Variants in MGST2 observed in about 807,000 individuals in gnomAD.
MGST2 encodes glutathione peroxidase MGST2.
A neutral mutation model predicts 16.6 loss-of-function variants in MGST2; 9 were observed. The ratio of observed to expected loss-of-function variants is 0.54; its 90% CI spans 0.33 to 0.95. The LOEUF (loss-of-function observed/expected upper bound fraction) is 0.95, where lower values mean the gene tolerates loss of function less well. MGST2 is among the 40% of genes least tolerant of loss of function. MGST2 has a pLI of 0.03. For synonymous variants in MGST2, 79 were observed against 68.0 expected (o/e 1.16, Z -0.79); for missense variants, 159 against 175.1 (o/e 0.91, Z 0.52).
intron 2 of MGST2, among the ~76,000 whole-genome samples, chr4:139,692,500 C>G (rs1726668197): frequency 6.6e-6 from 1 of 152,222 alleles, no homozygotes; most frequent in Non-Finnish European, 1.5e-5. Flanking sequence ...TCCACCACCA[C>G]CAGGAGCTGC....
chr4:139,707,992 C>T (rs1162025207), downstream of MGST2, among the ~76,000 whole-genome samples: 3 of 151,978 alleles, frequency 2.0e-5, no homozygotes, highest in Non-Finnish European at 4.4e-5. Context: ...AAAATTTTCT[C>T]CCATTCTGTA....
At chr4:139,750,347 AG>A in the MGST2 span, among the ~76,000 whole-genome samples, 1 of 152,210 alleles carries the variant, frequency 6.6e-6, no homozygotes, top group Non-Finnish European at 1.5e-5. Context: ...AACCGATCAG[AG>A]GGAAAGAGAG....
chr4:139,666,550 A>G (rs1253739329), intron 1 of MGST2, among the ~76,000 whole-genome samples: 1 of 152,202 alleles, frequency 6.6e-6, no homozygotes, highest in African/African-American at 2.4e-5. Flanking sequence ...TGGTATGATT[A>G]TCAGATTGAA....
At chr4:139,697,633 A>G (rs1299776136) in intron 3 of MGST2, among the ~76,000 whole-genome samples, 2 of 152,192 alleles carry the variant, frequency 1.3e-5, no homozygotes, top group African/African-American at 2.4e-5. Flanking sequence ...TTAATAGTTT[A>G]ATGTATTTTA....
chr4:139,716,464 T>C (rs1205383335), intron 5 of MGST2, among the ~76,000 whole-genome samples: 1 of 152,230 alleles, frequency 6.6e-6, no homozygotes, highest in African/African-American at 2.4e-5. Context: ...GGAATTGTTA[T>C]GGTACTGAAT....
chr4:139,687,227 C>G (rs896067272), intron 2 of MGST2, among the ~76,000 whole-genome samples: 3 of 152,176 alleles, frequency 2.0e-5, no homozygotes, highest in African/African-American at 7.2e-5. Flanking sequence ...AGCAACAACA[C>G]AGTAGTTGTT....
At chr4:139,746,926 T>C in the MGST2 span, among the ~76,000 whole-genome samples, 1 of 152,148 alleles carries the variant, frequency 6.6e-6, no homozygotes, top group Non-Finnish European at 1.5e-5. Flanking sequence ...TGTCCTGGAC[T>C]AGGCCAGCTT....
intron 5 of MGST2, among the ~76,000 whole-genome samples, chr4:139,709,403 G>A (rs1429443880): frequency 6.6e-6 from 1 of 152,058 alleles, no homozygotes; most frequent in East Asian, 1.9e-4. Flanking sequence ...AACAATTTAA[G>A]CATGGAATAC....
intron 1 of MGST2, among the ~76,000 whole-genome samples, chr4:139,672,179 G>T (rs8192034): frequency 0.013 from 1,978 of 152,312 alleles, 27 homozygotes; most frequent in African/African-American, 0.038. Context: ...CGTAAGAAAA[G>T]ATAGCACTTT....
chr4:139,747,984 G>T, the MGST2 span, among the ~76,000 whole-genome samples: 2 of 150,914 alleles, frequency 1.3e-5, no homozygotes, highest in Admixed American at 6.6e-5. Context: ...AACCCGGGAG[G>T]TGGAGGTTGC....
At chr4:139,725,496 G>A (rs1020633442) in intron 5 of MGST2, among the ~76,000 whole-genome samples, 18 of 152,058 alleles carry the variant, frequency 1.2e-4, no homozygotes, top group Non-Finnish European at 2.1e-4. Flanking sequence ...TCCCAACTCC[G>A]ACAGCTACCC....
At chr4:139,679,483 C>T (rs1731129619) in intron 2 of MGST2, among the ~76,000 whole-genome samples, 1 of 152,174 alleles carries the variant, frequency 6.6e-6, no homozygotes. Flanking sequence ...GAGTGTGTTC[C>T]TTCAAGGTTG....
intron 3 of MGST2, among the ~76,000 whole-genome samples, 181 bp downstream of exon 3, chr4:139,695,448 C>T (rs1187869419): frequency 2.0e-5 from 3 of 152,112 alleles, no homozygotes; most frequent in Non-Finnish European, 4.4e-5. Context: ...ATGGTGAAAC[C>T]CTGTCTCTAC....
the MGST2 span, among the ~76,000 whole-genome samples, chr4:139,748,929 C>T: frequency 6.6e-6 from 1 of 152,144 alleles, no homozygotes; most frequent in Non-Finnish European, 1.5e-5. Context: ...TGCATGCACA[C>T]CATTTTGACC....
At chr4:139,668,928 G>A (rs1416286176) in intron 1 of MGST2, among the ~76,000 whole-genome samples, 1 of 152,122 alleles carries the variant, frequency 6.6e-6, no homozygotes, top group Non-Finnish European at 1.5e-5. Context: ...ATGTTCCTGT[G>A]TCTTGTGGTC....
chr4:139,672,602 G>A (rs542755888), intron 1 of MGST2, among the ~76,000 whole-genome samples: 43 of 149,692 alleles, frequency 2.9e-4, no homozygotes, highest in Non-Finnish European at 4.7e-4. Flanking sequence ...TTGACTCGGA[G>A]TACAGTGGTG....
At chr4:139,752,780 A>G in the MGST2 span, among the ~76,000 whole-genome samples, 1 of 152,210 alleles carries the variant, frequency 6.6e-6, no homozygotes, top group African/African-American at 2.4e-5. Flanking sequence ...AGAAGAAAAA[A>G]AAGCTAGAGG....
At chr4:139,709,284 C>T (rs1333236363) in intron 5 of MGST2, among the ~76,000 whole-genome samples, 2 of 151,758 alleles carry the variant, frequency 1.3e-5, no homozygotes, top group Non-Finnish European at 2.9e-5. Flanking sequence ...TGGGTTTCAC[C>T]GTGTTAGCCA....
At chr4:139,708,651 T>TA (rs971221045), downstream of MGST2, among the ~76,000 whole-genome samples, 1 of 152,074 alleles carries the variant, frequency 6.6e-6, no homozygotes, top group African/African-American at 2.4e-5. Context: ...AATTAGTCCT[T>TA]AAGTGGCATA....
Sources: allele counts gnomAD v4.1 joint callset (sites outside exome capture counted in the v4.1 genomes callset), GRCh38; gene constraint gnomAD v4.1.1; transcripts MANE v1.5; gene names NCBI Gene and HGNC (gene_info 2026-07-23, HGNC 2026-07-21).